XKR9: variants seen among roughly 807,000 people sequenced by gnomAD.
XKR9 encodes XK related 9.
Under a neutral mutation model 32.0 loss-of-function variants are expected in XKR9, and 32 were observed. The observed-to-expected ratio is 1.00, with a 90% confidence interval of 0.76 to 1.34. The LOEUF is 1.34. Among genes scored for constraint, XKR9 ranks in the 40% most tolerant of loss-of-function variants. XKR9 has a pLI of 0.00. For synonymous variants in XKR9, 168 were observed against 143.4 expected (o/e 1.17, Z -1.22); for missense variants, 546 against 429.7 (o/e 1.27, Z -2.39).
intron 2 of XKR9, among the ~76,000 whole-genome samples, chr8:70,769,028 G>A (rs951434138): frequency 3.3e-5 from 5 of 151,826 alleles, no homozygotes; most frequent in African/African-American, 1.2e-4. Flanking sequence ...TAGTGTCGTT[G>A]GTCTATATAT....
chr8:70,892,296 A>G, the XKR9 span, among the ~76,000 whole-genome samples: 1 of 151,846 alleles, frequency 6.6e-6, no homozygotes, highest in Non-Finnish European at 1.5e-5. Context: ...TATTTTGTTA[A>G]TTATTTTCTG....
chr8:70,806,353 CTCT>C, the XKR9 span, among the ~76,000 whole-genome samples: 1 of 152,216 alleles, frequency 6.6e-6, no homozygotes. Flanking sequence ...GCCAGAGTGT[CTCT>C]TCTTCTCCAA....
chr8:71,045,702 A>G, the XKR9 span, among the ~76,000 whole-genome samples: 5 of 152,306 alleles, frequency 3.3e-5, no homozygotes, highest in East Asian at 9.6e-4. Flanking sequence ...CAGTGGGGGA[A>G]TTCTCTCCAC....
At chr8:70,828,830 TC>T in the XKR9 span, among the ~76,000 whole-genome samples, 1 of 152,004 alleles carries the variant, frequency 6.6e-6, no homozygotes, top group Admixed American at 6.6e-5. Flanking sequence ...AACTATATTA[TC>T]CATTGGGTCA....
At chr8:70,739,445 C>T (rs1194620615), downstream of XKR9, among the ~76,000 whole-genome samples, 6 of 152,160 alleles carry the variant, frequency 3.9e-5, no homozygotes, top group East Asian at 1.9e-4. Flanking sequence ...TGTCTTTTAA[C>T]TGGAGCATTT....
the XKR9 span, among the ~76,000 whole-genome samples, chr8:70,992,499 T>C: frequency 8.5e-5 from 13 of 152,300 alleles, no homozygotes; most frequent in East Asian, 2.5e-3. Flanking sequence ...AGTGGAATGA[T>C]GTACCAGTAC....
the XKR9 span, among the ~76,000 whole-genome samples, chr8:70,826,545 C>T: frequency 6.6e-6 from 1 of 152,116 alleles, no homozygotes; most frequent in Non-Finnish European, 1.5e-5. Flanking sequence ...TTGCCATTTT[C>T]TACCCAGGTA....
chr8:70,946,119 G>A, the XKR9 span, among the ~76,000 whole-genome samples: 29 of 152,214 alleles, frequency 1.9e-4, no homozygotes, highest in African/African-American at 6.7e-4. Flanking sequence ...TGGTGACACA[G>A]TGAGACTCTG....
At chr8:70,882,688 C>A in the XKR9 span, among the ~76,000 whole-genome samples, 1 of 151,900 alleles carries the variant, frequency 6.6e-6, no homozygotes, top group Non-Finnish European at 1.5e-5. Context: ...CCCACTACTC[C>A]CACTCTACTT....
chr8:70,819,114 A>G, the XKR9 span, among the ~76,000 whole-genome samples: 1 of 152,230 alleles, frequency 6.6e-6, no homozygotes. Flanking sequence ...TTGCACAAGG[A>G]ACAGCAGCTT....
chr8:70,987,324 G>A, the XKR9 span, among the ~76,000 whole-genome samples: 2 of 152,160 alleles, frequency 1.3e-5, no homozygotes, highest in Non-Finnish European at 2.9e-5. Context: ...TTCTGCCTAT[G>A]AGCCTGTAAA....
chr8:70,798,798 A>AT, the XKR9 span, among the ~76,000 whole-genome samples: 1 of 152,212 alleles, frequency 6.6e-6, no homozygotes, highest in Non-Finnish European at 1.5e-5. Context: ...CATTTATTGA[A>AT]TAGGGAGTCC....
rs1312599160 is a variant in XKR9, at chr8:70,734,077, A to G, written c.775A>G (p.Met259Val). 3 of 1,612,878 alleles carry G rather than the reference A, an allele frequency of 1.9e-6. No individual in the cohort carries two copies. Among genetic ancestry groups the G allele is most frequent in the African/African-American group, 1.3e-5 (1 of 74,912 alleles). Residue 259 changes from methionine (M) to valine (V), a missense_variant, in exon 5 of 5, where the codon ATG becomes GTG. Physicochemically the swap from Met to Val is conservative, Grantham distance 21. Transcript: ENST00000408926. ...CACCCAGTTTTGTACTTGTATAAGTATGGAATTCTTATATAGGATTGTTGT... is the reference window on the plus strand; with the variant it reads ...CACCCAGTTTTGTACTTGTATAAGTGTGGAATTCTTATATAGGATTGTTGT... The part of the protein sequence containing the change: ...NNTQFCTCIS[M>V]EFLYRIVVGF...
intron 3 of XKR9, chr8:70,683,564 T>G: frequency 2.2e-6 from 1 of 452,410 alleles, no homozygotes; most frequent in Non-Finnish European, 4.4e-6. Context: ...CCCAGCTCAT[T>G]GCAGCCTCCA....
intron 2 of XKR9, among the ~76,000 whole-genome samples, chr8:70,744,140 A>C (rs1254681052): frequency 6.6e-6 from 1 of 151,882 alleles, no homozygotes; most frequent in Non-Finnish European, 1.5e-5. Flanking sequence ...ATGAAACCCC[A>C]TCTCTACTAA....
rs770709093 is a variant in XKR9, at chr8:70,671,354, C to CT, written c.-361+1817dup. Among the ~76,000 whole-genome samples the CT allele has an allele frequency of 2.9e-3, 158 of 54,520 alleles. 48 individuals carry two copies. Among genetic ancestry groups the CT allele is most frequent in the Non-Finnish European group, 7.4e-3 (114 of 15,396 alleles). 35.8% of individuals were successfully genotyped at this position (54,520 alleles called of 152,430 possible). A position where few individuals can be genotyped will look rare whatever the true frequency, so the allele number is the denominator to read the frequency against. On this transcript the variant is annotated intron_variant, in intron 1 of 4. Coordinates refer to ENST00000408926, the MANE Select transcript of XKR9 (RefSeq NM_001011720.2). ...ATTTTTTTTTTTTTTTTATTATACT[C>CT]TAAGTTTTAGGGTACATGTGCACAT...
chr8:70,814,293 G>A, the XKR9 span, among the ~76,000 whole-genome samples: 5 of 151,994 alleles, frequency 3.3e-5, no homozygotes, highest in Non-Finnish European at 5.9e-5. Context: ...TGACTGTTGT[G>A]GGGTGGGGGA....
At chr8:70,883,223 A>G in the XKR9 span, among the ~76,000 whole-genome samples, 2 of 152,000 alleles carry the variant, frequency 1.3e-5, no homozygotes, top group Admixed American at 1.3e-4. Context: ...AAGTGAGAAC[A>G]TATAGTATTT....
the XKR9 span, among the ~76,000 whole-genome samples, chr8:70,841,935 A>G: frequency 6.6e-6 from 1 of 152,210 alleles, no homozygotes; most frequent in African/African-American, 2.4e-5. Context: ...CTATGTAAAT[A>G]TCTGTTCCTC....
Sources: allele counts gnomAD v4.1 joint callset (sites outside exome capture counted in the v4.1 genomes callset), GRCh38; gene constraint gnomAD v4.1.1; transcripts MANE v1.5; gene names NCBI Gene and HGNC (gene_info 2026-07-23, HGNC 2026-07-21).